The following CCDC9B variants were observed in gnomAD, a reference collection of about 807,000 sequenced individuals.
CCDC9B encodes coiled-coil domain containing 9B.
In CCDC9B, 40 loss-of-function variants were observed where a neutral mutation model predicts 47.2. The ratio of observed to expected loss-of-function variants is 0.85; its 90% CI spans 0.66 to 1.10. The LOEUF is 1.10. CCDC9B is among the 50% of genes least tolerant of loss of function. CCDC9B has a pLI of 0.00. For missense variants in CCDC9B, 662 were observed against 651.0 expected (o/e 1.02, Z -0.18); for synonymous variants, 238 against 250.7 (o/e 0.95, Z 0.48).
In CCDC9B at chr15:40,334,706, A is replaced by C; in HGVS notation, c.*452T>G. On this transcript the variant is annotated 3_prime_UTR_variant, in exon 11 of 11. Transcript: ENST00000397536. ...ATTCCCCTGGTTGGGCATCCTGGGA[A>C]TCTGGGACTGGGGGAATCCAGCCCA... 6.5e-6 allele frequency: 1 copy of C among 154,070 alleles called. No homozygotes were observed. The highest frequency in any genetic ancestry group is 1.4e-5 in the Non-Finnish European group (1 of 69,370). The allele number at this position is 154,070 out of a possible 1,614,324, so 9.5% of individuals were successfully genotyped here. A position where few individuals can be genotyped will look rare whatever the true frequency, so the allele number is the denominator to read the frequency against.
Position 40,339,481 on chromosome 15 carries a change from T to C in CCDC9B, c.231+31A>G, listed in dbSNP as rs1205275034. ...ATGGTCTGGGCCTCCACCTCCTTGC[T>C]ACGAGCCCTGTCTCCCAGGGTGAGG... On this transcript the variant is annotated intron_variant, in intron 3 of 10. Coordinates refer to ENST00000397536, the MANE Select transcript of CCDC9B (RefSeq NM_207380.3). The C allele has an allele frequency of 2.5e-6, 4 of 1,610,830 alleles. No individual in the cohort carries two copies. The African/African-American group carries it at 4.0e-5, about 16-fold the overall frequency.
chr15:40,337,933 G>A (rs981047870), intron 5 of CCDC9B, 40 bp from the exon 6 acceptor site: 4 of 1,562,618 alleles, frequency 2.6e-6, no homozygotes, highest in Admixed American at 1.8e-5. Context: ...GGAGAAGCAG[G>A]AAGAGGCTTG....
In CCDC9B at chr15:40,335,768, A is replaced by G. The variant is rs781614571; in HGVS notation, c.930+16T>C. ...TCGCGTCCCCAGCCTGCCCCATCCT[A>G]TACCCAAGTACCTACCTCCTGACCT... is the stretch of plus-strand genomic sequence containing the variant. On this transcript the variant is annotated intron_variant, in intron 10 of 10. Transcript: ENST00000397536. 1 of 1,609,064 alleles carries G rather than the reference A, an allele frequency of 6.2e-7. No homozygotes were observed. The highest frequency in any genetic ancestry group is 1.1e-5 in the South Asian group (1 of 89,916).
Position 40,336,586 on chromosome 15 carries a change from C to G in CCDC9B, c.875G>C (p.Gly292Ala). The G allele has an allele frequency of 1.9e-6, 3 of 1,611,970 alleles. No individual in the cohort carries two copies. The highest frequency in any genetic ancestry group is 2.2e-5 in the East Asian group (1 of 44,870). The change falls in exon 9 of 11, where the codon GGC becomes GCC. Residue 292 changes from glycine to alanine, a missense_variant. Physicochemically the swap from Gly to Ala is moderately conservative, Grantham distance 60 (BLOSUM62 0). Transcript: ENST00000397536. ...TGCCACCTGTTACCTTCGGGCCCTG[C>G]CAGTCAGCCTCTCCTTGCCCCGGGC... Reference protein sequence around the residue: ...SKARGKERLTGRARRWDMKED... With the variant: ...SKARGKERLTARARRWDMKED...
intron 3 of CCDC9B, 169 bp downstream of exon 3, chr15:40,339,343 G>C (rs1889036498): frequency 3.0e-6 from 2 of 658,102 alleles, no homozygotes; most frequent in Non-Finnish European, 2.6e-6. Context: ...GCTTTCAGCT[G>C]TGGCTCTTTG....
Position 40,339,621 on chromosome 15 carries a change from T to C in CCDC9B, c.124-2A>G. 6.2e-7 allele frequency: 1 copy of C among 1,612,994 alleles called. No homozygotes were observed. Among genetic ancestry groups the C allele is most frequent in the East Asian group, 2.2e-5 (1 of 44,868 alleles). On this transcript the variant is annotated splice_acceptor_variant, in intron 2 of 10. Transcript: ENST00000397536. LOFTEE classifies it high-confidence loss of function. ...CTGCCGACGGTCCTCCTGGATCTCC[T>C]GTGGGAGGGCTGGGGGTCAGCACAC...
rs750614648 is a variant in CCDC9B at position 40,339,587 on chromosome 15, CT to C, written c.155del (p.Gln52ArgfsTer6). ...EIQEDRRQAE[Q>X]GGMAVTTPAL... ...CTGGTGTGGTCACAGCCATCCCCCC[CT>C]GCTCTGCCTGCCGACGGTCCTCCTG... On this transcript the variant is annotated frameshift_variant, in exon 3 of 11. Transcript: ENST00000397536. LOFTEE classifies it high-confidence loss of function. The C allele has an allele frequency of 1.2e-5, 20 of 1,613,604 alleles. No homozygotes were observed. Among genetic ancestry groups the C allele is most frequent in the African/African-American group, 5.3e-5 (4 of 74,874 alleles).
In CCDC9B at chr15:40,335,534, C is replaced by A; in HGVS notation, c.1097G>T (p.Cys366Phe). 1 of 1,531,570 alleles carries A rather than the reference C, an allele frequency of 6.5e-7. No individual in the cohort carries two copies. The highest frequency in any genetic ancestry group is 1.3e-5 in the South Asian group (1 of 79,020). 94.9% of individuals were successfully genotyped at this position (1,531,570 alleles called of 1,614,324 possible). A position where few individuals can be genotyped will look rare whatever the true frequency, so the allele number is the denominator to read the frequency against. ...AGCCAAGTCAGGCTCCTGTGGAGAG[C>A]AGGGGACTGAGCTGGCTGTGGAAGC... ...SVASTASSVP[C>F]SPQEPDLAPL... Residue 366 changes from cysteine (C) to phenylalanine (F), a missense_variant, in exon 11 of 11, where the codon TGC becomes TTC. Cys to Phe is a radical substitution (Grantham distance 205). Coordinates refer to ENST00000397536, the MANE Select transcript of CCDC9B (RefSeq NM_207380.3).
At position 40,338,561 on chromosome 15, in the gene CCDC9B, C is replaced by A; in HGVS notation, c.487G>T (p.Ala163Ser). 1 of 1,614,114 alleles carries A rather than the reference C, an allele frequency of 6.2e-7. No homozygotes were observed. Among genetic ancestry groups the A allele is most frequent in the South Asian group, 1.1e-5 (1 of 91,064 alleles). ...RVTRSPPTQV[A>S]ISSDSARKGS... is the part of the protein sequence containing the mutation. ...TTCCGTGCAGAATCTGAGCTGATGG[C>A]CACCTGCGTGGGGGGGCTTCGGGTC... The change falls in exon 5 of 11, where the codon GCC becomes TCC. Residue 163 changes from alanine to serine, a missense_variant. By Grantham distance (99) the Ala-to-Ser change is moderately conservative. Transcript: ENST00000397536.
rs562400142 is a variant in CCDC9B at position 40,334,627 on chromosome 15, C to G, written c.*531G>C. 1.3e-5 allele frequency: 2 copies of G among 152,680 alleles called. No homozygotes were observed. Among genetic ancestry groups the G allele is most frequent in the South Asian group, 4.1e-4 (2 of 4,848 alleles). 9.5% of individuals were successfully genotyped at this position (152,680 alleles called of 1,614,324 possible). ...TGCCAGCTGTGTGGCCTCTCCTCCT[C>G]CAGGCCTCAGCCACCACTCAGGAGA... On this transcript the variant is annotated 3_prime_UTR_variant, in exon 11 of 11. Transcript: ENST00000397536.
rs1381670693 is a variant in CCDC9B at position 40,338,917 on chromosome 15, A to G, written c.232-14T>C. The G allele has an allele frequency of 6.2e-7, 1 of 1,612,520 alleles. No homozygotes were observed. Among genetic ancestry groups the G allele is most frequent in the Admixed American group, 1.7e-5 (1 of 59,804 alleles). ...CACCCGCTTTTCCTGCAGAACAAAG[A>G]CCCTCAGGCCACATGGGCAGTGCTG... On this transcript the variant is annotated splice_polypyrimidine_tract_variant and intron_variant, in intron 3 of 10. Transcript: ENST00000397536.
rs781456046 is a variant in CCDC9B at position 40,335,689 on chromosome 15, G to C, written c.942C>G (p.Ser314Arg). ...CCTCCTCACTGGGAGTCTCTCTGGT[G>C]CTTTGGCTTCCCTGAAACAAGAGAA... is the stretch of plus-strand genomic sequence containing the variant. ...EELEGQEGSQ[S>R]TRETPSEEEQ... The change falls in exon 11 of 11, where the codon AGC becomes AGG. Residue 314 changes from serine (S) to arginine (R), a missense_variant. Coordinates refer to ENST00000397536, the MANE Select transcript of CCDC9B (RefSeq NM_207380.3). The C allele has an allele frequency of 3.3e-5, 52 of 1,560,386 alleles. 2 individuals are homozygous for C. In the South Asian group the frequency reaches 5.9e-4, roughly 18 times the overall value.
At chr15:40,340,049 C>T (rs762499334) in intron 1 of CCDC9B, 34 bp from the exon 2 acceptor site, 54 of 1,401,622 alleles carry the variant, frequency 3.9e-5, no homozygotes, top group African/African-American at 5.7e-5. Context: ...TCCTGACTTC[C>T]GGGTCCCCCT....
rs1888991079 is a variant in CCDC9B at position 40,337,564 on chromosome 15, C to T, written c.684-118G>A. 4.2e-6 allele frequency: 5 copies of T among 1,202,028 alleles called. No homozygotes were observed. In the East Asian group the frequency reaches 1.3e-4, roughly 30 times the overall value. 74.5% of individuals were successfully genotyped at this position (1,202,028 alleles called of 1,614,324 possible). On this transcript the variant is annotated intron_variant, in intron 6 of 10. Coordinates refer to ENST00000397536, the MANE Select transcript of CCDC9B (RefSeq NM_207380.3). ...TGAAGGCAGCAGGGAGATGGTGGGCCCAAGAAAGATGGGAGACCCAGAGCC... is the reference window on the plus strand; with the variant it reads ...TGAAGGCAGCAGGGAGATGGTGGGCTCAAGAAAGATGGGAGACCCAGAGCC...
At chr15:40,339,231 C>T (rs982056334) in intron 3 of CCDC9B, 27 of 582,672 alleles carry the variant, frequency 4.6e-5, no homozygotes, top group African/African-American at 4.5e-4. Flanking sequence ...AGGGTTTTAG[C>T]CCCTGGGGCT....
rs772085026 is a variant in CCDC9B, at chr15:40,338,606, C to A, written c.442G>T (p.Gly148Trp). The change falls in exon 5 of 11, where the codon GGG becomes TGG. Residue 148 changes from glycine (G) to tryptophan (W), a missense_variant. Coordinates refer to ENST00000397536, the MANE Select transcript of CCDC9B (RefSeq NM_207380.3). ...CGGGTCACACGCCCTCCAGGTGACC[C>A]CTCTATGCCTTGGTTCCTTGCTCTG... The part of the protein sequence containing the change: ...PTRARNQGIE[G>W]SPGGRVTRSP... 1 of 1,614,160 alleles carries A rather than the reference C, an allele frequency of 6.2e-7. No homozygotes were observed. Among genetic ancestry groups the A allele is most frequent in the Non-Finnish European group, 8.5e-7 (1 of 1,180,012 alleles).
At chr15:40,336,073 C>T (rs984541138) in intron 9 of CCDC9B, 4 of 985,290 alleles carry the variant, frequency 4.1e-6, no homozygotes, top group Non-Finnish European at 3.6e-6. Flanking sequence ...CCTCCACCTC[C>T]TCTGGGCCTC....
Position 40,335,600 on chromosome 15 carries a change from G to A in CCDC9B, c.1031C>T (p.Pro344Leu), listed in dbSNP as rs1451882439. ...CGGCCCCTCTGGGGATGCCAGGGCTGGGCTGGCTGCAGGGGCGCTCCCCAG... is the reference window on the plus strand; with the variant it reads ...CGGCCCCTCTGGGGATGCCAGGGCTAGGCTGGCTGCAGGGGCGCTCCCCAG... ...GRLGSAPAASPALASPEGPKG... is the reference protein window; with the variant it reads ...GRLGSAPAASLALASPEGPKG... Residue 344 changes from proline to leucine, a missense_variant, in exon 11 of 11, where the codon CCA (proline) becomes CTA (leucine). Transcript: ENST00000397536. 6 of 1,500,560 alleles carry A rather than the reference G, an allele frequency of 4.0e-6. No homozygotes were observed. The highest frequency in any genetic ancestry group is 5.4e-6 in the Non-Finnish European group (6 of 1,121,384). 93.0% of individuals were successfully genotyped at this position (1,500,560 alleles called of 1,614,324 possible).
chr15:40,337,910 C>A lies in CCDC9B; in HGVS notation c.514-17G>T. 1.3e-6 allele frequency: 2 copies of A among 1,586,268 alleles called. No individual in the cohort carries two copies. The highest frequency in any genetic ancestry group is 1.7e-6 in the Non-Finnish European group (2 of 1,166,134). On this transcript the variant is annotated splice_polypyrimidine_tract_variant and intron_variant, in intron 5 of 10. Transcript: ENST00000397536. The stretch of plus-strand genomic sequence containing the variant: ...CCAAGAACCCTGTAGGGAGAAGACA[C>A]TCAGAGTGAGGGGGAGAAGCAGGAA...
Sources: gnomAD v4.1 joint callset for allele counts on GRCh38, gnomAD v4.1.1 for gene constraint, MANE v1.5 for transcripts, NCBI Gene and HGNC (gene_info 2026-07-23, HGNC 2026-07-21) for gene names.